CKMT2: variants seen among roughly 807,000 people sequenced by gnomAD.
The protein encoded by CKMT2 is creatine kinase S-type, mitochondrial.
A neutral mutation model predicts 48.9 loss-of-function variants in CKMT2; 43 were observed. That is an observed-to-expected ratio of 0.88 (90% CI 0.69 to 1.13). The LOEUF (loss-of-function observed/expected upper bound fraction) is 1.13, where lower values mean the gene tolerates loss of function less well. Ranked by LOEUF, CKMT2 falls within the 50% of genes most tolerant of loss-of-function variation. CKMT2 has a pLI of 0.00. For synonymous variants in CKMT2, 206 were observed against 213.0 expected (o/e 0.97, Z 0.29); for missense variants, 472 against 555.4 (o/e 0.85, Z 1.51).
Position 81,251,275 on chromosome 5 carries a change from T to C in CKMT2, c.143T>C (p.Phe48Ser). 1 of 1,613,882 alleles carries C rather than the reference T, an allele frequency of 6.2e-7. No homozygotes were observed. Among genetic ancestry groups the C allele is most frequent in the Non-Finnish European group, 8.5e-7 (1 of 1,179,928 alleles). Residue 48 changes from phenylalanine to serine, a missense_variant, in exon 2 of 10, where the codon TTT becomes TCT. Transcript: ENST00000254035. ...GAGGTCCGGGAGCAGCCTAGGCTAT[T>C]TCCTCCAAGGTAAGGGCTCCTGACT... Reference protein sequence around the residue: ...CAEVREQPRLFPPSADYPDLR... With the variant: ...CAEVREQPRLSPPSADYPDLR...
chr5:81,252,857 T>C lies in CKMT2; in HGVS notation c.315T>C (p.Thr105=), dbSNP rs750520528. 2 of 1,614,160 alleles carry C rather than the reference T, an allele frequency of 1.2e-6. No homozygotes were observed. The highest frequency in any genetic ancestry group is 1.7e-6 in the Non-Finnish European group (2 of 1,180,020). Residue 105 remains threonine (T), a synonymous_variant, in exon 3 of 10, where the codon ACT becomes ACC. Transcript: ENST00000254035. ...VDNPGHPFIK[T]VGMVAGDEES... ...ACCCTGGCCACCCCTTCATAAAGAC[T>C]GTGGGCATGGTGGCTGGTGACGAGG...
At chr5:81,246,978 A>T (rs1027586335) in intron 1 of CKMT2, 5 of 152,272 alleles carry the variant, frequency 3.3e-5, no homozygotes, top group African/African-American at 9.6e-5. Flanking sequence ...ACCAACTGCA[A>T]AAAGAAACAT....
chr5:81,254,635 A>C (rs1756934303), intron 4 of CKMT2, 144 bp downstream of exon 4: 1 of 676,542 alleles, frequency 1.5e-6, no homozygotes, highest in South Asian at 1.8e-5. Flanking sequence ...TTCCCTCTGG[A>C]GGGCCACAGA....
At position 81,254,441 on chromosome 5, in the gene CKMT2, G is replaced by A. The variant is rs564635201; in HGVS notation, c.397G>A (p.Gly133Ser). ...CCCCGTCATCAAACTAAGACACAAC[G>A]GCTATGACCCCAGGGTGATGAAGCA... ...FDPVIKLRHNGYDPRVMKHTT... is the reference protein window; with the variant it reads ...FDPVIKLRHNSYDPRVMKHTT... Residue 133 changes from glycine to serine, a missense_variant, in exon 4 of 10, where the codon GGC becomes AGC. Coordinates refer to ENST00000254035, the MANE Select transcript of CKMT2 (RefSeq NM_001099735.2). 10 of 1,614,092 alleles carry A rather than the reference G, an allele frequency of 6.2e-6. 1 individual carries two copies. The South Asian group carries it at 8.8e-5, about 14-fold the overall frequency.
At chr5:81,259,534 T>C (rs1451917943) in intron 8 of CKMT2, 1 of 274,246 alleles carries the variant, frequency 3.6e-6, no homozygotes, top group Non-Finnish European at 6.7e-6. Context: ...TCTCTGGTTC[T>C]TTCTATCTCC....
At chr5:81,265,604 G>A (rs987785807) in intron 9 of CKMT2, among the ~76,000 whole-genome samples, 2 of 152,188 alleles carry the variant, frequency 1.3e-5, no homozygotes, top group South Asian at 4.1e-4. Context: ...TTTAAGAACA[G>A]GAATTTTAGA....
chr5:81,244,930 CA>C (rs1406538970), intron 1 of CKMT2: 1 of 151,022 alleles, frequency 6.6e-6, no homozygotes, highest in African/African-American at 2.4e-5. Context: ...CTGCTCACTG[CA>C]GCCTTCGCTT....
At chr5:81,241,959 T>TAA (rs369086839) in intron 1 of CKMT2, among the ~76,000 whole-genome samples, 28,398 of 140,474 alleles carry the variant, frequency 0.2, 2,858 homozygotes, top group Admixed American at 0.28. Context: ...TCAGAACCCC[T>TAA]AAAAAAAAAA....
intron 5 of CKMT2, 95 bp downstream of exon 5, chr5:81,255,309 C>T (rs917863966): frequency 7.0e-6 from 8 of 1,138,044 alleles, no homozygotes; most frequent in African/African-American, 1.6e-5. Context: ...AGTCCTTACC[C>T]TAGCTGGGAG....
intron 1 of CKMT2, among the ~76,000 whole-genome samples, chr5:81,241,446 A>C (rs747455733): frequency 6.6e-6 from 1 of 152,198 alleles, no homozygotes; most frequent in Non-Finnish European, 1.5e-5. Flanking sequence ...AAGGGCCTGG[A>C]AACCATCTCT....
intron 6 of CKMT2, 152 bp downstream of exon 6, chr5:81,257,152 G>A: frequency 4.5e-6 from 1 of 221,054 alleles, no homozygotes; most frequent in Non-Finnish European, 8.4e-6. Flanking sequence ...GTGTGTGTGT[G>A]TGTGTGTGTG....
intron 1 of CKMT2, chr5:81,244,334 C>A: frequency 3.8e-6 from 1 of 259,900 alleles, no homozygotes; most frequent in Non-Finnish European, 6.0e-6. Context: ...TAACCACTAT[C>A]TATGTGGGCC....
chr5:81,244,059 C>T, intron 1 of CKMT2: 11 of 985,386 alleles, frequency 1.1e-5, no homozygotes, highest in Non-Finnish European at 1.3e-5. Flanking sequence ...GAAATGTTTC[C>T]CTTTGTCCCG....
intron 1 of CKMT2, among the ~76,000 whole-genome samples, chr5:81,234,006 C>T (rs1468749025): frequency 4.1e-5 from 6 of 144,686 alleles, no homozygotes; most frequent in Admixed American, 3.6e-4. Context: ...CTTACCTTTC[C>T]CACCGGAGGT....
intron 1 of CKMT2, among the ~76,000 whole-genome samples, chr5:81,236,923 G>A (rs544584983): frequency 2.0e-5 from 3 of 152,336 alleles, no homozygotes; most frequent in African/African-American, 7.2e-5. Context: ...GCTGAGGCAG[G>A]TGGATCACTT....
rs763002331 is a variant in CKMT2, at chr5:81,255,091, G to C, written c.546G>C (p.Arg182=). The C allele has an allele frequency of 6.2e-7, 1 of 1,613,976 alleles. No individual in the cohort carries two copies. Among genetic ancestry groups the C allele is most frequent in the Non-Finnish European group, 8.5e-7 (1 of 1,180,032 alleles). Residue 182 remains arginine, a synonymous_variant, in exon 5 of 10, where the codon CGG becomes CGC. Transcript: ENST00000254035. ...RGLSLPPACT[R]AERREVENVA... is the part of the protein sequence containing the mutation. ...TGAGCCTGCCTCCAGCCTGCACCCG[G>C]GCCGAGCGAAGGGAGGTAGAGAACG...
Position 81,254,991 on chromosome 5 carries a change from A to AGAT in CKMT2, c.448-1_449dup. 2 of 1,613,108 alleles carry AGAT rather than the reference A, an allele frequency of 1.2e-6. No homozygotes were observed. Among genetic ancestry groups the AGAT allele is most frequent in the Non-Finnish European group, 1.7e-6 (2 of 1,179,378 alleles). ...ACAGTGACCCCACAGTCTGCTTGGCAGATCACCCAAGGGCAGTTCGACGAG... is the reference window on the plus strand; with the variant it reads ...ACAGTGACCCCACAGTCTGCTTGGCAGATGATCACCCAAGGGCAGTTCGACGAG... On this transcript the variant is annotated splice_acceptor_variant, in intron 4 of 9. Coordinates refer to ENST00000254035, the MANE Select transcript of CKMT2 (RefSeq NM_001099735.2). LOFTEE classifies it high-confidence loss of function.
At chr5:81,253,009 G>T in intron 3 of CKMT2, 116 bp downstream of exon 3, 2 of 1,150,298 alleles carry the variant, frequency 1.7e-6, no homozygotes, top group Non-Finnish European at 2.6e-6. Flanking sequence ...TTCTCAGGAA[G>T]GGCTCTCATA....
rs117169677 is a variant in CKMT2, at chr5:81,240,280, C to T, written c.-21+6903C>T. On this transcript the variant is annotated intron_variant, in intron 1 of 9. Transcript: ENST00000254035. ...TTTGGCCCCATACTTAGCCTCCCCTCGGCATCAGCCTATGGAAACCCTGCT... is the reference window on the plus strand; with the variant it reads ...TTTGGCCCCATACTTAGCCTCCCCTTGGCATCAGCCTATGGAAACCCTGCT... Among the ~76,000 whole-genome samples, 1,116 of 152,274 alleles carry T rather than the reference C, an allele frequency of 7.3e-3. 16 individuals are homozygous for T. The highest frequency in any genetic ancestry group is 0.05 in the East Asian group (258 of 5,172).
Sources: allele counts gnomAD v4.1 joint callset (sites outside exome capture counted in the v4.1 genomes callset), GRCh38; gene constraint gnomAD v4.1.1; transcripts MANE v1.5; gene names NCBI Gene and HGNC (gene_info 2026-07-23, HGNC 2026-07-21).